ATP9B: variants seen among roughly 807,000 people sequenced by gnomAD.
ATP9B encodes the protein probable phospholipid-transporting ATPase IIB.
Under a neutral mutation model 146.1 loss-of-function variants are expected in ATP9B, and 110 were observed. That is an observed-to-expected ratio of 0.75 (90% CI 0.65 to 0.88). ATP9B has a LOEUF of 0.88. Among genes scored for constraint, ATP9B ranks in the 40% least tolerant of loss-of-function variants. The pLI is 0.00. For synonymous variants in ATP9B, 604 were observed against 569.7 expected (o/e 1.06, Z -0.86); for missense variants, 1,499 against 1,496.4 (o/e 1.00, Z -0.03).
intron 17 of ATP9B, among the ~76,000 whole-genome samples, chr18:79,331,200 G>A (rs1160596804): frequency 6.6e-6 from 1 of 152,094 alleles, no homozygotes; most frequent in Non-Finnish European, 1.5e-5. Flanking sequence ...TCCCACCCTG[G>A]GACCTCAGAG....
intron 14 of ATP9B, among the ~76,000 whole-genome samples, chr18:79,305,505 A>G (rs1201994009): frequency 2.0e-5 from 3 of 152,226 alleles, no homozygotes; most frequent in African/African-American, 7.2e-5. Context: ...TAGGATATTT[A>G]TTAATAGAAG....
At chr18:79,375,963 G>C (rs1316139686) in intron 29 of ATP9B, 1 of 985,218 alleles carries the variant, frequency 1.0e-6, no homozygotes, top group Admixed American at 6.2e-5. Context: ...CGGAATTCAA[G>C]TAGCTAGTCA....
chr18:79,098,636 G>A (rs1355307113), intron 2 of ATP9B, among the ~76,000 whole-genome samples: 1 of 152,086 alleles, frequency 6.6e-6, no homozygotes, highest in Non-Finnish European at 1.5e-5. Context: ...GAAGAAATAG[G>A]TATTTTCTTA....
At chr18:79,278,128 G>T (rs542939752) in intron 13 of ATP9B, among the ~76,000 whole-genome samples, 1 of 152,170 alleles carries the variant, frequency 6.6e-6, no homozygotes, top group Non-Finnish European at 1.5e-5. Flanking sequence ...AACAAAACAG[G>T]TCTCTAATAC....
At chr18:79,179,440 C>G (rs1359687741) in intron 8 of ATP9B, among the ~76,000 whole-genome samples, 1 of 151,696 alleles carries the variant, frequency 6.6e-6, no homozygotes, top group Non-Finnish European at 1.5e-5. Flanking sequence ...CATTGTTTAC[C>G]TGTGTCACAC....
chr18:79,323,280 G>A (rs893972875), intron 15 of ATP9B, among the ~76,000 whole-genome samples: 10 of 152,090 alleles, frequency 6.6e-5, no homozygotes, highest in South Asian at 2.1e-4. Context: ...TCGTTGCTTC[G>A]CGTTAGTAAT....
intron 7 of ATP9B, among the ~76,000 whole-genome samples, chr18:79,156,584 G>T (rs184914841): frequency 4.6e-5 from 7 of 152,256 alleles, no homozygotes; most frequent in East Asian, 1.9e-4. Context: ...CGTTTGCAAG[G>T]TTAATCTTTT....
chr18:79,093,543 G>T (rs2074526668), intron 1 of ATP9B, among the ~76,000 whole-genome samples: 1 of 152,136 alleles, frequency 6.6e-6, no homozygotes, highest in Non-Finnish European at 1.5e-5. Flanking sequence ...ACTTCATCCT[G>T]TTTTAAGTTT....
intron 2 of ATP9B, among the ~76,000 whole-genome samples, chr18:79,103,267 GTT>G (rs76907504): frequency 1.5e-5 from 2 of 133,292 alleles, no homozygotes; most frequent in African/African-American, 5.8e-5. Context: ...ACTATTTGTA[GTT>G]TTTTTTTTTT....
chr18:79,336,836 C>T (rs532258891), intron 18 of ATP9B, 125 bp downstream of exon 18: 6 of 937,372 alleles, frequency 6.4e-6, no homozygotes, highest in South Asian at 4.7e-5. Flanking sequence ...AAGGCAGCTT[C>T]GCTCAGCAGG....
intron 25 of ATP9B, among the ~76,000 whole-genome samples, chr18:79,348,907 C>G (rs139821504): frequency 2.6e-5 from 4 of 152,346 alleles, no homozygotes; most frequent in African/African-American, 4.8e-5. Context: ...TCACTTGAAC[C>G]CGGGACGGGG....
chr18:79,260,979 A>G (rs1293015866), intron 12 of ATP9B, among the ~76,000 whole-genome samples: 1 of 152,178 alleles, frequency 6.6e-6, no homozygotes, highest in African/African-American at 2.4e-5. Flanking sequence ...GGGAGCAGAT[A>G]GCTTGTTTTC....
chr18:79,366,628 G>A (rs1164185247), intron 26 of ATP9B, among the ~76,000 whole-genome samples: 2 of 152,172 alleles, frequency 1.3e-5, no homozygotes, highest in Non-Finnish European at 2.9e-5. Context: ...AAATAAACAC[G>A]GACATGTGTG....
chr18:79,085,768 C>T lies in ATP9B; in HGVS notation c.120-10708C>T, dbSNP rs139285350. On this transcript the variant is annotated intron_variant, in intron 1 of 29. Transcript: ENST00000426216. Reference sequence around the variant, plus strand: ...TGTGACTATTGGCCCTGCCCAGAGCCATTTGCAATCTTACAATAGTTAAGT... The same window carrying T: ...TGTGACTATTGGCCCTGCCCAGAGCTATTTGCAATCTTACAATAGTTAAGT... The T allele has an allele frequency of 2.6e-4, 39 of 152,306 alleles. No individual in the cohort carries two copies. In the East Asian group the frequency reaches 6.8e-3, roughly 26 times the overall value. 9.4% of individuals were successfully genotyped at this position (152,306 alleles called of 1,614,324 possible). A position where few individuals can be genotyped will look rare whatever the true frequency, so the allele number is the denominator to read the frequency against.
At chr18:79,272,279 A>G (rs976161932) in intron 12 of ATP9B, among the ~76,000 whole-genome samples, 1 of 152,218 alleles carries the variant, frequency 6.6e-6, no homozygotes, top group Non-Finnish European at 1.5e-5. Context: ...ATCAAATAGC[A>G]TGCTTCCATG....
chr18:79,110,655 C>T (rs2146982062), intron 3 of ATP9B, 150 bp downstream of exon 3: 1 of 628,420 alleles, frequency 1.6e-6, no homozygotes, highest in East Asian at 3.1e-5. Context: ...CATCTGTGTT[C>T]CCAATAATCG....
intron 11 of ATP9B, among the ~76,000 whole-genome samples, chr18:79,235,716 T>C (rs2095835704): frequency 6.6e-6 from 1 of 151,194 alleles, no homozygotes; most frequent in Non-Finnish European, 1.5e-5. Flanking sequence ...TCTTATCTAG[T>C]GAAGTAGAAT....
chr18:79,083,978 C>T (rs1248981496), intron 1 of ATP9B, among the ~76,000 whole-genome samples: 1 of 151,570 alleles, frequency 6.6e-6, no homozygotes, highest in Non-Finnish European at 1.5e-5. Flanking sequence ...CCTACCTTAG[C>T]CTCCCAAGTA....
intron 1 of ATP9B, among the ~76,000 whole-genome samples, chr18:79,070,837 A>C (rs1001599420): frequency 6.6e-6 from 1 of 151,036 alleles, no homozygotes; most frequent in African/African-American, 2.4e-5. Flanking sequence ...TTTTGGATTA[A>C]TGTTTGCATG....
Sources: gnomAD v4.1 joint callset for allele counts (sites outside exome capture counted in the v4.1 genomes callset) on GRCh38, gnomAD v4.1.1 for gene constraint, MANE v1.5 for transcripts, NCBI Gene and HGNC (gene_info 2026-07-23, HGNC 2026-07-21) for gene names.